The following TANK variants were observed in gnomAD, a reference collection of about 807,000 sequenced individuals.
TANK encodes TRAF family member associated NFKB activator.
TANK carries 15 observed loss-of-function variants against 43.6 expected under a neutral mutation model. The observed-to-expected ratio is 0.34, with a 90% CI of 0.23 to 0.53. The LOEUF (loss-of-function observed/expected upper bound fraction) is 0.53, where lower values mean the gene tolerates loss of function less well. Ranked by LOEUF, TANK falls within the 20% of genes least tolerant of loss-of-function variation. The pLI is 0.94. For synonymous variants in TANK, 162 were observed against 178.2 expected, an observed-to-expected ratio of 0.91 and a Z score of 0.73; for missense variants, 417 against 498.6, an observed-to-expected ratio of 0.84 and a Z score of 1.56.
chr2:161,180,824 A>G (rs1685385052), intron 2 of TANK, among the ~76,000 whole-genome samples: 1 of 151,968 alleles, frequency 6.6e-6, no homozygotes, highest in African/African-American at 2.4e-5. Context: ...CAGCCTTCCT[A>G]TACACCTTTC....
At chr2:161,141,492 A>T (rs979025051) in intron 1 of TANK, among the ~76,000 whole-genome samples, 14 of 151,606 alleles carry the variant, frequency 9.2e-5, no homozygotes, top group Non-Finnish European at 1.8e-4. Context: ...TTGCCCCTCA[A>T]CCCTGACTGG....
chr2:161,143,579 GT>G (rs1270478503), intron 1 of TANK, among the ~76,000 whole-genome samples: 2 of 152,122 alleles, frequency 1.3e-5, no homozygotes, highest in African/African-American at 2.4e-5. Flanking sequence ...TAACCATGTG[GT>G]TTTTGTCATT....
At chr2:161,212,177 C>A (rs995770838) in intron 4 of TANK, 1 of 309,178 alleles carries the variant, frequency 3.2e-6, no homozygotes, top group Non-Finnish European at 4.7e-6. Flanking sequence ...TCTCCTGCCT[C>A]AGCCTCCCGA....
chr2:161,200,409 A>G, intron 2 of TANK: 1 of 981,906 alleles, frequency 1.0e-6, no homozygotes, highest in South Asian at 4.7e-5. Context: ...GCATTTAATC[A>G]AATGAAAAAA....
chr2:161,230,737 G>C (rs911446523), intron 6 of TANK, among the ~76,000 whole-genome samples: 7 of 152,184 alleles, frequency 4.6e-5, no homozygotes, highest in African/African-American at 1.4e-4. Flanking sequence ...TACGGCAGAA[G>C]ACTTAGGAAA....
At chr2:161,220,020 G>T (rs1194243446) in intron 4 of TANK, among the ~76,000 whole-genome samples, 1 of 152,022 alleles carries the variant, frequency 6.6e-6, no homozygotes, top group Non-Finnish European at 1.5e-5. Flanking sequence ...AAGGATTCTC[G>T]TTTCTGTTTT....
intron 1 of TANK, among the ~76,000 whole-genome samples, chr2:161,138,346 C>T (rs1683646927): frequency 6.6e-6 from 1 of 152,120 alleles, no homozygotes; most frequent in African/African-American, 2.4e-5. Context: ...AACATAAATT[C>T]ATATCACCTC....
At position 161,216,206 on chromosome 2, in the gene TANK, C is replaced by G. The variant is rs1335188680; in HGVS notation, c.328-7709C>G. Among the ~76,000 whole-genome samples, 5 of 152,056 alleles carry G rather than the reference C, an allele frequency of 3.3e-5. No individual in the cohort carries two copies. In the East Asian group the frequency reaches 9.6e-4, roughly 29 times the overall value. ...TTTAACATTAAAGACAGCATGTTTC[C>G]CTCTACATTTTATCTTAATAATATT... On this transcript the variant is annotated intron_variant, in intron 4 of 7. Coordinates refer to ENST00000392749, the MANE Select transcript of TANK (RefSeq NM_001199135.3).
chr2:161,230,806 G>C (rs770298850), intron 6 of TANK, among the ~76,000 whole-genome samples, 165 bp from the exon 7 acceptor site: 10 of 152,204 alleles, frequency 6.6e-5, no homozygotes, highest in Non-Finnish European at 1.0e-4. Flanking sequence ...GCTGGAGACT[G>C]CTAATATTCT....
At chr2:161,221,150 A>G (rs554382242) in intron 4 of TANK, among the ~76,000 whole-genome samples, 57 of 152,296 alleles carry the variant, frequency 3.7e-4, no homozygotes, top group Admixed American at 3.7e-3. Context: ...TGTATATGAA[A>G]AGTATGATGT....
intron 1 of TANK, among the ~76,000 whole-genome samples, chr2:161,151,557 T>C (rs561608349): frequency 1.3e-5 from 2 of 152,294 alleles, no homozygotes; most frequent in Admixed American, 1.3e-4. Flanking sequence ...TTACTAAAAG[T>C]CTATTTATCT....
intron 1 of TANK, among the ~76,000 whole-genome samples, chr2:161,143,477 G>T (rs1683811373): frequency 6.6e-6 from 1 of 152,110 alleles, no homozygotes; most frequent in Non-Finnish European, 1.5e-5. Flanking sequence ...TTTTTATTTT[G>T]AGATATGTTC....
At chr2:161,158,081 T>G (rs1684273075), upstream of TANK, among the ~76,000 whole-genome samples, 1 of 152,240 alleles carries the variant, frequency 6.6e-6, no homozygotes. Context: ...GGTCTCACTA[T>G]GTTGCCCAGG....
At chr2:161,228,374 A>C (rs1351052109) in intron 6 of TANK, among the ~76,000 whole-genome samples, 2 of 152,168 alleles carry the variant, frequency 1.3e-5, no homozygotes, top group Admixed American at 1.3e-4. Context: ...TCTACTAAAA[A>C]TACAAAATTA....
intron 1 of TANK, among the ~76,000 whole-genome samples, chr2:161,137,396 C>A (rs1235987058): frequency 6.6e-6 from 1 of 151,938 alleles, no homozygotes; most frequent in African/African-American, 2.4e-5. Flanking sequence ...GGGTCCCTAG[C>A]CAAGACCAAG....
chr2:161,228,423 C>T lies in TANK; in HGVS notation c.521-2548C>T, dbSNP rs566374751. Among the ~76,000 whole-genome samples, 95 of 152,152 alleles carry T rather than the reference C, an allele frequency of 6.2e-4. 1 individual carries two copies. The highest frequency in any genetic ancestry group is 2.0e-3 in the African/African-American group (84 of 41,520). ...ACGCATGCCCGTAATCCCAGCTACT[C>T]GGGAGGCTGAGGCAGGAGAATCACT... is the stretch of plus-strand genomic sequence containing the variant. On this transcript the variant is annotated intron_variant, in intron 6 of 7. Transcript: ENST00000392749.
intron 1 of TANK, among the ~76,000 whole-genome samples, chr2:161,144,378 T>C (rs1683842678): frequency 6.6e-6 from 1 of 152,222 alleles, no homozygotes; most frequent in Non-Finnish European, 1.5e-5. Context: ...CTTGCTTCTC[T>C]AGCTCTTTTA....
intron 1 of TANK, among the ~76,000 whole-genome samples, chr2:161,141,128 G>A (rs1489225118): frequency 6.6e-6 from 1 of 152,038 alleles, no homozygotes; most frequent in Non-Finnish European, 1.5e-5. Flanking sequence ...TCAGTACACT[G>A]ACAATGTTGT....
At chr2:161,232,917 G>C in intron 7 of TANK, 5 of 1,440,710 alleles carry the variant, frequency 3.5e-6, no homozygotes, top group Non-Finnish European at 4.6e-6. Flanking sequence ...TTGATATTTT[G>C]GCAGAAAAAG....
Sources: allele counts gnomAD v4.1 joint callset (sites outside exome capture counted in the v4.1 genomes callset), GRCh38; gene constraint gnomAD v4.1.1; transcripts MANE v1.5; gene names NCBI Gene and HGNC (gene_info 2026-07-23, HGNC 2026-07-21).